UBTF: variants seen among roughly 807,000 people sequenced by gnomAD.
UBTF encodes the protein nucleolar transcription factor 1.
A neutral mutation model predicts 112.3 loss-of-function variants in UBTF; 8 were observed. That is an observed-to-expected ratio of 0.07 (90% CI 0.04 to 0.13). The LOEUF is 0.13. Among genes scored for constraint, UBTF ranks in the 10% least tolerant of loss-of-function variants. UBTF has a pLI of 1.00. For synonymous variants in UBTF, 417 were observed against 373.1 expected (o/e 1.12, Z -1.36); for missense variants, 457 against 982.1 (o/e 0.47, Z 7.15).
At chr17:44,210,981 G>A in intron 12 of UBTF, 34 bp from the exon 13 acceptor site, 2 of 1,600,466 alleles carry the variant, frequency 1.2e-6, no homozygotes, top group Non-Finnish European at 8.5e-7. Context: ...GTCCGTGGGT[G>A]CTGCCAGGGA....
rs1437878579 is a variant in UBTF, at chr17:44,215,661, T to C, written c.467A>G (p.Lys156Arg). 1 of 1,613,952 alleles carries C rather than the reference T, an allele frequency of 6.2e-7. No homozygotes were observed. Residue 156 changes from lysine (K) to arginine (R), a missense_variant, in exon 5 of 21, where the codon AAG becomes AGG. This residue lies in a region of UBTF where 87 missense variants were observed against 286.6 expected (regional missense o/e 0.30). Coordinates refer to ENST00000436088, the MANE Select transcript of UBTF (RefSeq NM_014233.4). Reference sequence around the variant, plus strand: ...TAACTCTCCTCCCCCCACCTTCTTCTTCTCCGGAAGCTCCTTGTATTTCTT... The same window carrying C: ...TAACTCTCCTCCCCCCACCTTCTTCCTCTCCGGAAGCTCCTTGTATTTCTT... Reference protein sequence around the residue: ...LSKKYKELPEKKKMKYIQDFQ... With the variant: ...LSKKYKELPERKKMKYIQDFQ...
Position 44,207,497 on chromosome 17 carries a change from G to A in UBTF, c.2126C>T (p.Ser709Phe). 6.2e-7 allele frequency: 1 copy of A among 1,613,938 alleles called. No individual in the cohort carries two copies. The highest frequency in any genetic ancestry group is 8.5e-7 in the Non-Finnish European group (1 of 1,180,000). The part of the protein sequence containing the change: ...NGDSSEDGGD[S>F]SESSSEDESE... ...CTCGTCCTCGCTGCTGGACTCAGAGGAGTCGCCGCCATCTTCAGAGGAGTC... is the reference window on the plus strand; with the variant it reads ...CTCGTCCTCGCTGCTGGACTCAGAGAAGTCGCCGCCATCTTCAGAGGAGTC... The change falls in exon 20 of 21, where the codon TCC becomes TTC. Residue 709 changes from serine to phenylalanine, a missense_variant. Coordinates refer to ENST00000436088, the MANE Select transcript of UBTF (RefSeq NM_014233.4).
chr17:44,208,014 A>C (rs1434043133), intron 17 of UBTF, 103 bp from the exon 18 acceptor site: 57 of 1,367,748 alleles, frequency 4.2e-5, no homozygotes, highest in Non-Finnish European at 2.0e-6. Flanking sequence ...ATATATCATC[A>C]CCCCATCTTA....
At position 44,210,916 on chromosome 17, in the gene UBTF, G is replaced by A. The variant is rs2097820; in HGVS notation, c.1235C>T (p.Ser412Leu). 6.2e-7 allele frequency: 1 copy of A among 1,607,340 alleles called. No individual in the cohort carries two copies. The highest frequency in any genetic ancestry group is 8.5e-7 in the Non-Finnish European group (1 of 1,178,412). ...GGSEKPKRPVSAMFIFSEEKR... is the reference protein window; with the variant it reads ...GGSEKPKRPVLAMFIFSEEKR... ...CTCCTCCGAGAAGATGAACATGGCC[G>A]ACACGGGCCGCTTGGGCTTCTCGGA... The change falls in exon 13 of 21, where the codon TCG becomes TTG. Residue 412 changes from serine to leucine, a missense_variant. Physicochemically the swap from Ser to Leu is moderately radical, Grantham distance 145. Coordinates refer to ENST00000436088, the MANE Select transcript of UBTF (RefSeq NM_014233.4).
Position 44,211,861 on chromosome 17 carries a change from G to A in UBTF, c.905+12C>T. ...CTGCCCACTCGCCCACCCATCCCAG[G>A]GCAGCGCTCACGGAGGTGGCTTGGT... On this transcript the variant is annotated intron_variant, in intron 9 of 20. Transcript: ENST00000436088. The surrounding 1 kb of genome is among the most constrained non-coding windows in gnomAD (Gnocchi z 4.9). The A allele has an allele frequency of 6.2e-7, 1 of 1,612,264 alleles. No individual in the cohort carries two copies. The highest frequency in any genetic ancestry group is 8.5e-7 in the Non-Finnish European group (1 of 1,179,648).
At chr17:44,212,988 A>C (rs1028779954) in intron 6 of UBTF, 49 bp from the exon 7 acceptor site, 1 of 1,602,438 alleles carries the variant, frequency 6.2e-7, no homozygotes, top group Non-Finnish European at 8.5e-7. Context: ...CTGCCAGGGC[A>C]GACTCAAGCT....
rs1400196264 is a variant in UBTF, at chr17:44,207,098, G to GT, written c.*143dup. The GT allele has an allele frequency of 4.7e-6, 4 of 858,816 alleles. No individual in the cohort carries two copies. The highest frequency in any genetic ancestry group is 7.0e-6 in the Non-Finnish European group (4 of 569,986). 53.2% of individuals were successfully genotyped at this position (858,816 alleles called of 1,614,324 possible). A position where few individuals can be genotyped will look rare whatever the true frequency, so the allele number is the denominator to read the frequency against. On this transcript the variant is annotated 3_prime_UTR_variant, in exon 21 of 21. Transcript: ENST00000436088. ...GCTCCTCCAGCCCCCTACCCCCACC[G>GT]TATTTTTTTTTTTTTTTAAAGAAAG...
intron 8 of UBTF, 45 bp downstream of exon 8, chr17:44,212,299 G>A (rs1567798800): frequency 3.2e-6 from 5 of 1,540,590 alleles, no homozygotes; most frequent in Non-Finnish European, 4.5e-6. Flanking sequence ...GGAGGGCAGA[G>A]GCTCGTGAAG....
In UBTF at chr17:44,209,694, T is replaced by C; in HGVS notation, c.1666A>G (p.Asn556Asp). The change falls in exon 16 of 21, where the codon AAT (asparagine) becomes GAT (aspartate). Residue 556 changes from asparagine to aspartate, a missense_variant. Asn to Asp is a conservative substitution (Grantham distance 23). Around this residue, in one of 7 missense-constraint regions of UBTF, gnomAD observed 77 missense variants for 211.9 expected, o/e 0.36. Transcript: ENST00000436088. ...TGGAATTTCATCTTCTTGGAAGAATTTGTAGCAGCTGGAGGTGCCCGCATC... is the reference window on the plus strand; with the variant it reads ...TGGAATTTCATCTTCTTGGAAGAATCTGTAGCAGCTGGAGGTGCCCGCATC... Reference protein sequence around the residue: ...SEMRAPPAATNSSKKMKFQGE... With the variant: ...SEMRAPPAATDSSKKMKFQGE... 2.5e-6 allele frequency: 4 copies of C among 1,614,174 alleles called. No individual in the cohort carries two copies. Among genetic ancestry groups the C allele is most frequent in the Non-Finnish European group, 3.4e-6 (4 of 1,180,024 alleles).
chr17:44,207,659 C>T (rs746296604), intron 19 of UBTF, 40 bp downstream of exon 19: 4 of 1,614,068 alleles, frequency 2.5e-6, no homozygotes, highest in South Asian at 2.2e-5. Context: ...CAGGCAGTGC[C>T]CCCCGCCCCA....
chr17:44,210,421 G>C lies in UBTF; in HGVS notation c.1412C>G (p.Pro471Arg). 2.5e-6 allele frequency: 4 copies of C among 1,613,954 alleles called. No individual in the cohort carries two copies. The highest frequency in any genetic ancestry group is 3.4e-6 in the Non-Finnish European group (4 of 1,180,010). ...AALKAQSERKPGGEREERGKL... is the reference protein window; with the variant it reads ...AALKAQSERKRGGEREERGKL... ...GCCCCGTTCCTCGCGCTCCCCGCCG[G>C]GCTTCCTCTCCGACTGAGCCTTGAG... Residue 471 changes from proline to arginine, a missense_variant, in exon 14 of 21, where the codon CCC (proline) becomes CGC (arginine). Physicochemically the swap from Pro to Arg is moderately radical, Grantham distance 103. This residue lies in a region of UBTF where 108 missense variants were observed against 137.4 expected (regional missense o/e 0.79). Coordinates refer to ENST00000436088, the MANE Select transcript of UBTF (RefSeq NM_014233.4).
Position 44,211,203 on chromosome 17 carries a change from T to C in UBTF, c.1090-51A>G, listed in dbSNP as rs377324958. 24 of 1,612,504 alleles carry C rather than the reference T, an allele frequency of 1.5e-5. No individual in the cohort carries two copies. The highest frequency in any genetic ancestry group is 2.0e-5 in the Non-Finnish European group (23 of 1,179,000). On this transcript the variant is annotated intron_variant, in intron 11 of 20. Transcript: ENST00000436088. This position sits in a 1 kb window ranked among gnomAD's most constrained non-coding sequence, Gnocchi z 4.9. The stretch of plus-strand genomic sequence containing the variant: ...CTGCATGCCTGGCACCCAGACTGCA[T>C]GGTGCCCTATCTCCAGGGGCTCACC...
Position 44,209,511 on chromosome 17 carries a change from C to G in UBTF, c.1746G>C (p.Leu582=). ...MNGYQKFSQE[L]LSNGELNHLP... ...GGTGGTTCAGCTCCCCATTGGACAG[C>G]AGCTCCTGGGAGAACTTCTGGTAAC... is the stretch of plus-strand genomic sequence containing the variant. The change falls in exon 17 of 21, where the codon CTG becomes CTC. Residue 582 remains leucine, a synonymous_variant. Coordinates refer to ENST00000436088, the MANE Select transcript of UBTF (RefSeq NM_014233.4). The G allele has an allele frequency of 6.2e-7, 1 of 1,612,694 alleles. No homozygotes were observed. Among genetic ancestry groups the G allele is most frequent in the East Asian group, 2.2e-5 (1 of 44,840 alleles).
chr17:44,211,420 C>G lies in UBTF; in HGVS notation c.1048-89G>C. ...CGGAGGACAGTGACCTTCAGCGGGC[C>G]TCCAGAGCCTGGGTGTGGGCTGGAC... On this transcript the variant is annotated intron_variant, in intron 10 of 20. Transcript: ENST00000436088. This position sits in a 1 kb window ranked among gnomAD's most constrained non-coding sequence, Gnocchi z 4.9. The G allele has an allele frequency of 3.8e-6, 6 of 1,590,294 alleles. No individual in the cohort carries two copies. The highest frequency in any genetic ancestry group is 4.3e-6 in the Non-Finnish European group (5 of 1,162,086).
At chr17:44,220,453 C>T (rs371957697), upstream of UBTF, among the ~76,000 whole-genome samples, 147 of 152,134 alleles carry the variant, frequency 9.7e-4, 2 homozygotes, top group South Asian at 0.029. Context: ...CGGCGTCCAG[C>T]TTCGGTGCCT....
At chr17:44,210,025 A>G in intron 15 of UBTF, 99 bp downstream of exon 15, 1 of 1,235,348 alleles carries the variant, frequency 8.1e-7, no homozygotes, top group Non-Finnish European at 1.2e-6. Flanking sequence ...ACTTGCTGAG[A>G]GTCACAGACC....
intron 2 of UBTF, among the ~76,000 whole-genome samples, chr17:44,217,753 A>G (rs1364739591): frequency 6.6e-6 from 1 of 152,040 alleles, no homozygotes; most frequent in African/African-American, 2.4e-5. Flanking sequence ...GGGGCCTAAA[A>G]CCACCAAAAC....
chr17:44,207,284 G>A lies in UBTF; in HGVS notation c.2253C>T (p.Ser751=). ...CTGAGGAGTCCCCTGAGGAGGAGGA[G>A]CTGGAGCTGCTGCCCTCGGACTCAT... is the stretch of plus-strand genomic sequence containing the variant. The part of the protein sequence containing the change: ...EDNESEGSSS[S]SSSSGDSSDS... Residue 751 remains serine (S), a synonymous_variant, in exon 21 of 21, where the codon AGC becomes AGT. Coordinates refer to ENST00000436088, the MANE Select transcript of UBTF (RefSeq NM_014233.4). The A allele has an allele frequency of 2.5e-6, 4 of 1,613,466 alleles. No individual in the cohort carries two copies. The highest frequency in any genetic ancestry group is 3.4e-6 in the Non-Finnish European group (4 of 1,179,796).
rs1377785538 is a variant in UBTF, at chr17:44,212,016, C to A, written c.772-10G>T. The A allele has an allele frequency of 2.5e-6, 4 of 1,609,862 alleles. No individual in the cohort carries two copies. Among genetic ancestry groups the A allele is most frequent in the Non-Finnish European group, 3.4e-6 (4 of 1,178,450 alleles). On this transcript the variant is annotated splice_polypyrimidine_tract_variant and intron_variant, in intron 8 of 20. Coordinates refer to ENST00000436088, the MANE Select transcript of UBTF (RefSeq NM_014233.4). ...AGTCTCTCATGATCTCCTGCAGAGC[C>A]AGGTGGGGGGACGGAGGGCAATGGG...
Sources: gnomAD v4.1 joint callset for allele counts (sites outside exome capture counted in the v4.1 genomes callset) on GRCh38, gnomAD v4.1.1 for gene constraint, gnomAD v4.1.1 regional missense constraint, Gnocchi (gnomAD v3.1) non-coding constraint, MANE v1.5 for transcripts, NCBI Gene and HGNC (gene_info 2026-07-23, HGNC 2026-07-21) for gene names.